The following CREB5 variants were observed in gnomAD, a reference collection of about 807,000 sequenced individuals.
The protein encoded by CREB5 is cAMP responsive element binding protein 5, also known as cyclic AMP-responsive element-binding protein 5.
Under a neutral mutation model 57.1 loss-of-function variants are expected in CREB5, and 19 were observed. That is an observed-to-expected ratio of 0.33 (90% CI 0.23 to 0.49). The LOEUF (loss-of-function observed/expected upper bound fraction) is 0.49, where lower values mean the gene tolerates loss of function less well. Ranked by LOEUF, CREB5 falls within the 20% of genes least tolerant of loss-of-function variation. The probability of loss-of-function intolerance (pLI) is 0.99; values close to 1 mark genes in which losing one functional copy is unlikely to be tolerated. For missense variants in CREB5, 579 were observed against 671.6 expected (o/e 0.86, Z 1.52); for synonymous variants, 238 against 238.3 (o/e 1.00, Z 0.01).
At chr7:28,721,801 T>C (rs1340457718) in intron 6 of CREB5, among the ~76,000 whole-genome samples, 1 of 152,202 alleles carries the variant, frequency 6.6e-6, no homozygotes, top group African/African-American at 2.4e-5. Flanking sequence ...TATCTTGAAA[T>C]TCAAATGCTT....
At chr7:28,397,045 A>T (rs960280130) in intron 1 of CREB5, among the ~76,000 whole-genome samples, 20 of 152,250 alleles carry the variant, frequency 1.3e-4, no homozygotes, top group Non-Finnish European at 2.5e-4. Flanking sequence ...GTTCATAACA[A>T]TGCCTAGCAT....
At chr7:28,453,266 CATCTCT>C (rs1789918304) in intron 1 of CREB5, among the ~76,000 whole-genome samples, 1 of 152,008 alleles carries the variant, frequency 6.6e-6, no homozygotes, top group South Asian at 2.1e-4. Flanking sequence ...AATAAGACCC[CATCTCT>C]ACAAAAAATC....
chr7:28,462,914 T>A (rs1192865766), intron 1 of CREB5, among the ~76,000 whole-genome samples: 1 of 152,154 alleles, frequency 6.6e-6, no homozygotes, highest in Non-Finnish European at 1.5e-5. Flanking sequence ...CACAAAAAAT[T>A]AATTTTGATG....
intron 5 of CREB5, among the ~76,000 whole-genome samples, chr7:28,607,296 T>C (rs1235686499): frequency 6.6e-6 from 1 of 151,988 alleles, no homozygotes; most frequent in Non-Finnish European, 1.5e-5. Context: ...ATGTGTACAA[T>C]GTGAGGCCCC....
intron 4 of CREB5, among the ~76,000 whole-genome samples, chr7:28,530,500 T>G (rs1167385378): frequency 6.6e-6 from 1 of 152,152 alleles, no homozygotes; most frequent in East Asian, 1.9e-4. Context: ...AAAAAACATA[T>G]GATCCCATAA....
At chr7:28,681,427 T>C (rs1285759186) in intron 5 of CREB5, among the ~76,000 whole-genome samples, 1 of 152,124 alleles carries the variant, frequency 6.6e-6, no homozygotes, top group South Asian at 2.1e-4. Context: ...TGGAGTGCAG[T>C]GGTGCGATCA....
intron 4 of CREB5, among the ~76,000 whole-genome samples, chr7:28,561,015 TGC>T (rs1423759550): frequency 5.3e-4 from 6 of 11,292 alleles, no homozygotes; most frequent in East Asian, 3.8e-3. Context: ...CGTGTGTGTG[TGC>T]GTGTGTGCGT....
chr7:28,592,703 T>C (rs1341766032), intron 5 of CREB5, among the ~76,000 whole-genome samples: 1 of 152,196 alleles, frequency 6.6e-6, no homozygotes, highest in Non-Finnish European at 1.5e-5. Context: ...TGCCGTGGCC[T>C]GTTCTTCCCA....
chr7:28,528,906 C>T (rs78628490), intron 4 of CREB5, among the ~76,000 whole-genome samples: 15,622 of 152,022 alleles, frequency 0.1, 1,115 homozygotes, highest in African/African-American at 0.2. Context: ...CCACAACTTC[C>T]GGGATATCCT....
intron 5 of CREB5, among the ~76,000 whole-genome samples, chr7:28,718,365 T>A (rs1209645522): frequency 6.6e-6 from 1 of 152,208 alleles, no homozygotes. Flanking sequence ...TGGGAGAGCG[T>A]GGCTAAAATA....
At chr7:28,694,119 ACTT>A (rs1313505266) in intron 5 of CREB5, among the ~76,000 whole-genome samples, 4 of 152,170 alleles carry the variant, frequency 2.6e-5, no homozygotes, top group African/African-American at 9.7e-5. Context: ...GCATAGAGTA[ACTT>A]CTTTTGCATC....
intron 5 of CREB5, among the ~76,000 whole-genome samples, chr7:28,588,634 T>C (rs1390237426): frequency 6.6e-6 from 1 of 152,250 alleles, no homozygotes; most frequent in Non-Finnish European, 1.5e-5. Context: ...GACCTGTTTT[T>C]CTCTGGGGAT....
intron 1 of CREB5, among the ~76,000 whole-genome samples, chr7:28,363,000 T>A (rs575235188): frequency 6.6e-6 from 1 of 152,290 alleles, no homozygotes; most frequent in South Asian, 2.1e-4. Context: ...TATCTAACAC[T>A]AGGGGGAGAA....
intron 1 of CREB5, among the ~76,000 whole-genome samples, chr7:28,392,256 G>C (rs985481692): frequency 2.0e-5 from 3 of 152,000 alleles, no homozygotes; most frequent in African/African-American, 7.3e-5. Context: ...ACCTGCACAG[G>C]TACCCCTGAA....
chr7:28,589,290 C>T lies in CREB5; in HGVS notation c.464+18753C>T, dbSNP rs145800196. On this transcript the variant is annotated intron_variant, in intron 5 of 10. Coordinates refer to ENST00000357727, the MANE Select transcript of CREB5 (RefSeq NM_182898.4). ...GATATTTGGGCTGGGCGCAGTGGCT[C>T]ACGCATGTAATCTCAGCACTTTGGG... Among the ~76,000 whole-genome samples, 558 of 152,174 alleles carry T rather than the reference C, an allele frequency of 3.7e-3. 3 individuals carry two copies. The highest frequency in any genetic ancestry group is 0.013 in the African/African-American group (536 of 41,516).
chr7:28,376,801 C>A (rs772888235), intron 1 of CREB5, among the ~76,000 whole-genome samples: 1 of 152,172 alleles, frequency 6.6e-6, no homozygotes, highest in Non-Finnish European at 1.5e-5. Context: ...TTGGGCTGGG[C>A]TCCACAACAG....
chr7:28,752,260 G>A (rs764302946), intron 7 of CREB5, among the ~76,000 whole-genome samples: 1 of 152,016 alleles, frequency 6.6e-6, no homozygotes, highest in African/African-American at 2.4e-5. Flanking sequence ...TCTGCCTCTC[G>A]GGTTCAAGTG....
Position 28,539,908 on chromosome 7 carries a change from T to C in CREB5, c.292-30457T>C, listed in dbSNP as rs995445767. On this transcript the variant is annotated intron_variant, in intron 4 of 10. Transcript: ENST00000357727. ...GGTAACCAGCCCACCATCGCCTAAG[T>C]TGTAAAGCAAGTGAAATCAACATTC... Among the ~76,000 whole-genome samples, 3 of 152,194 alleles carry C rather than the reference T, an allele frequency of 2.0e-5. 1 individual carries two copies. Among genetic ancestry groups the C allele is most frequent in the East Asian group, 3.8e-4 (2 of 5,206 alleles).
At chr7:28,640,906 C>G (rs1472730909) in intron 5 of CREB5, among the ~76,000 whole-genome samples, 1 of 152,086 alleles carries the variant, frequency 6.6e-6, no homozygotes, top group South Asian at 2.1e-4. Context: ...GTTTGTTTTC[C>G]CTGAGAGCCA....
Sources: allele counts gnomAD v4.1 joint callset (sites outside exome capture counted in the v4.1 genomes callset), GRCh38; gene constraint gnomAD v4.1.1; transcripts MANE v1.5; gene names NCBI Gene and HGNC (gene_info 2026-07-23, HGNC 2026-07-21).